MAN2A1: variants seen among roughly 807,000 people sequenced by gnomAD.
MAN2A1 encodes mannosidase alpha class 2A member 1, also known as alpha-mannosidase 2.
A neutral mutation model predicts 142.6 loss-of-function variants in MAN2A1; 76 were observed. The observed-to-expected ratio is 0.53, with a 90% CI of 0.44 to 0.65. The LOEUF is 0.65. MAN2A1 is among the 30% of genes least tolerant of loss of function. The pLI is 0.00. For missense variants in MAN2A1, 1,311 were observed against 1,365.1 expected (o/e 0.96, Z 0.62); for synonymous variants, 559 against 473.2 (o/e 1.18, Z -2.35).
chr5:109,729,431 A>C lies in MAN2A1; in HGVS notation c.625A>C (p.Arg209=). ...CCTAAAGCTGAAAGAAGACTCACGG[A>C]GGAAGTTTATTTGGTCTGAGATCTC... ...MVLKLKEDSR[R]KFIWSEISYL... is the part of the protein sequence containing the mutation. Residue 209 remains arginine, a synonymous_variant, in exon 4 of 22, where the codon AGG becomes CGG. Coordinates refer to ENST00000261483, the MANE Select transcript of MAN2A1 (RefSeq NM_002372.4). 1 of 1,603,402 alleles carries C rather than the reference A, an allele frequency of 6.2e-7. No individual in the cohort carries two copies.
chr5:109,771,711 G>A (rs1258062038), intron 7 of MAN2A1, among the ~76,000 whole-genome samples: 3 of 152,086 alleles, frequency 2.0e-5, no homozygotes, highest in Admixed American at 2.0e-4. Flanking sequence ...AAAAAGGAAG[G>A]GTTGAGTGTG....
intron 3 of MAN2A1, among the ~76,000 whole-genome samples, chr5:109,728,773 A>G (rs539149976): frequency 5.7e-4 from 87 of 152,302 alleles, no homozygotes; most frequent in Middle Eastern, 3.4e-3. Flanking sequence ...TTGGGAACAA[A>G]TGCCTGTATT....
intron 12 of MAN2A1, among the ~76,000 whole-genome samples, chr5:109,811,973 A>T (rs987462338): frequency 6.6e-6 from 1 of 152,160 alleles, no homozygotes; most frequent in Non-Finnish European, 1.5e-5. Context: ...ACACAAAAAA[A>T]GGATTTATGA....
intron 16 of MAN2A1, among the ~76,000 whole-genome samples, chr5:109,826,747 G>A (rs542494988): frequency 6.6e-6 from 1 of 152,230 alleles, no homozygotes. Flanking sequence ...GGCTCTATCA[G>A]CGTTCACGCT....
At chr5:109,714,899 A>G (rs567138871) in intron 2 of MAN2A1, among the ~76,000 whole-genome samples, 2 of 151,610 alleles carry the variant, frequency 1.3e-5, no homozygotes, top group East Asian at 3.9e-4. Flanking sequence ...TTACAGGGAT[A>G]GCTGTTTCTG....
rs746986515 is a variant in MAN2A1, at chr5:109,817,432, C to G, written c.2103C>G (p.Ala701=). 57 of 1,613,622 alleles carry G rather than the reference C, an allele frequency of 3.5e-5. No individual in the cohort carries two copies. Among genetic ancestry groups the G allele is most frequent in the Non-Finnish European group, 4.4e-5 (52 of 1,179,874 alleles). ...WDTANTISET[A]YEISFRAHIP... Reference sequence around the variant, plus strand: ...CAGCAAATACTATTTCAGAAACAGCCTATGAGGTATGTTGTAGCCATAGAA... The same window carrying G: ...CAGCAAATACTATTTCAGAAACAGCGTATGAGGTATGTTGTAGCCATAGAA... Residue 701 remains alanine (A), a synonymous_variant, in exon 13 of 22, where the codon GCC becomes GCG. Coordinates refer to ENST00000261483, the MANE Select transcript of MAN2A1 (RefSeq NM_002372.4).
At chr5:109,858,422 TA>T (rs1755677688) in intron 20 of MAN2A1, among the ~76,000 whole-genome samples, 2 of 152,168 alleles carry the variant, frequency 1.3e-5, no homozygotes, top group South Asian at 4.1e-4. Flanking sequence ...ATGTCCAGTG[TA>T]ATTCCATGCT....
chr5:109,751,796 C>G (rs1752555793), intron 4 of MAN2A1, among the ~76,000 whole-genome samples: 1 of 151,894 alleles, frequency 6.6e-6, no homozygotes, highest in South Asian at 2.1e-4. Flanking sequence ...TTTAACATTT[C>G]TTATCTCCAT....
intron 4 of MAN2A1, among the ~76,000 whole-genome samples, chr5:109,754,856 C>T (rs559169979): frequency 6.6e-6 from 1 of 152,306 alleles, no homozygotes; most frequent in Admixed American, 6.5e-5. Flanking sequence ...ACAAAATTAG[C>T]CAGGCATGGT....
rs887371107 is a variant in MAN2A1, at chr5:109,866,881, C to T, written c.3318C>T (p.Val1106=). The T allele has an allele frequency of 3.7e-6, 6 of 1,608,878 alleles. No individual in the cohort carries two copies. The highest frequency in any genetic ancestry group is 2.2e-5 in the East Asian group (1 of 44,706). The change falls in exon 22 of 22, where the codon GTC becomes GTT. Residue 1106 remains valine, a synonymous_variant. Coordinates refer to ENST00000261483, the MANE Select transcript of MAN2A1 (RefSeq NM_002372.4). ...LVQKLLNKFI[V]ESLTPSSLSL... ...AGAAACTTTTAAACAAGTTTATTGT[C>T]GAAAGTCTCACACCTTCATCACTAT...
chr5:109,762,997 T>A (rs1211110386), intron 5 of MAN2A1, among the ~76,000 whole-genome samples: 1 of 152,192 alleles, frequency 6.6e-6, no homozygotes, highest in Non-Finnish European at 1.5e-5. Flanking sequence ...AAAAGTAGGT[T>A]GGTTATTTCA....
intron 8 of MAN2A1, among the ~76,000 whole-genome samples, chr5:109,780,832 G>C (rs1472299286): frequency 6.6e-6 from 1 of 152,014 alleles, no homozygotes; most frequent in Non-Finnish European, 1.5e-5. Context: ...GTTACCTACT[G>C]GTAGAGTAAG....
At chr5:109,802,716 A>G (rs986712940) in intron 12 of MAN2A1, among the ~76,000 whole-genome samples, 3 of 152,114 alleles carry the variant, frequency 2.0e-5, no homozygotes, top group Admixed American at 6.5e-5. Flanking sequence ...TTTGTACCAC[A>G]TTCTCTAAAC....
intron 16 of MAN2A1, among the ~76,000 whole-genome samples, chr5:109,841,552 C>A (rs1357992302): frequency 6.6e-6 from 1 of 151,986 alleles, no homozygotes; most frequent in South Asian, 2.1e-4. Context: ...TGAAATTGAC[C>A]CAAGGCCTCA....
chr5:109,736,721 G>T (rs943006949), intron 4 of MAN2A1, among the ~76,000 whole-genome samples: 1 of 151,686 alleles, frequency 6.6e-6, no homozygotes, highest in African/African-American at 2.4e-5. Flanking sequence ...ACTTAATTTT[G>T]TTGGTTTTTG....
intron 3 of MAN2A1, among the ~76,000 whole-genome samples, chr5:109,717,806 G>T (rs1391597007): frequency 6.6e-6 from 1 of 152,062 alleles, no homozygotes; most frequent in Non-Finnish European, 1.5e-5. Flanking sequence ...CTTAAGCCAG[G>T]GTTAGTTATA....
intron 12 of MAN2A1, among the ~76,000 whole-genome samples, chr5:109,790,756 AT>A (rs1189518215): frequency 2.6e-5 from 4 of 151,828 alleles, no homozygotes; most frequent in Non-Finnish European, 5.9e-5. Flanking sequence ...CTTTCTTTTT[AT>A]ATTTTGGTGG....
chr5:109,737,540 A>G (rs1034075864), intron 4 of MAN2A1, among the ~76,000 whole-genome samples: 3 of 151,736 alleles, frequency 2.0e-5, no homozygotes, highest in East Asian at 1.9e-4. Context: ...AGAGTTTGGT[A>G]TCTGCTAATT....
intron 17 of MAN2A1, 24 bp from the exon 18 acceptor site, chr5:109,845,841 A>T: frequency 6.3e-7 from 1 of 1,591,884 alleles, no homozygotes; most frequent in Non-Finnish European, 8.5e-7. Flanking sequence ...CACTTTTTGT[A>T]GATGGAATTG....
Sources: gnomAD v4.1 joint callset for allele counts (sites outside exome capture counted in the v4.1 genomes callset) on GRCh38, gnomAD v4.1.1 for gene constraint, MANE v1.5 for transcripts, NCBI Gene and HGNC (gene_info 2026-07-23, HGNC 2026-07-21) for gene names.